Variants in GRAMD4 observed in about 807,000 individuals in gnomAD.
The protein encoded by GRAMD4 is GRAM domain containing 4.
A neutral mutation model predicts 83.9 loss-of-function variants in GRAMD4; 25 were observed. The observed-to-expected ratio is 0.30, with a 90% CI of 0.22 to 0.42. GRAMD4 has a LOEUF of 0.42. Among genes scored for constraint, GRAMD4 ranks in the 10% least tolerant of loss-of-function variants. The probability of loss-of-function intolerance (pLI) is 1.00; values close to 1 mark genes in which losing one functional copy is unlikely to be tolerated. For missense variants in GRAMD4, 593 were observed against 788.7 expected (o/e 0.75, Z 2.97); for synonymous variants, 336 against 320.9 (o/e 1.05, Z -0.50).
At chr22:46,632,944 C>T (rs1410248807) in intron 2 of GRAMD4, among the ~76,000 whole-genome samples, 1 of 152,236 alleles carries the variant, frequency 6.6e-6, no homozygotes, top group Non-Finnish European at 1.5e-5. Flanking sequence ...GCCTCTGGCC[C>T]CTTGCCACAT....
chr22:46,590,210 G>A (rs948935214), intron 1 of GRAMD4, among the ~76,000 whole-genome samples: 4 of 152,164 alleles, frequency 2.6e-5, no homozygotes, highest in African/African-American at 9.7e-5. Context: ...TGCCTCCTGC[G>A]TCCAGAGGGG....
At chr22:46,675,649 T>G in intron 17 of GRAMD4, 97 bp downstream of exon 17, 1 of 834,144 alleles carries the variant, frequency 1.2e-6, no homozygotes, top group Non-Finnish European at 2.1e-6. Context: ...CCAGCCTCTG[T>G]CAGCATCTGG....
chr22:46,680,734 C>T (rs1193504809), downstream of GRAMD4, among the ~76,000 whole-genome samples: 3 of 119,784 alleles, frequency 2.5e-5, no homozygotes, highest in Admixed American at 8.0e-5. Context: ...ACCCATCCAT[C>T]CACCCACCCA....
At chr22:46,675,401 C>A in intron 16 of GRAMD4, 67 bp from the exon 17 acceptor site, 1 of 1,082,862 alleles carries the variant, frequency 9.2e-7, no homozygotes, top group Non-Finnish European at 1.4e-6. Context: ...CCCCGGGAGA[C>A]CCCCACCTGG....
chr22:46,597,376 G>A (rs17666945), intron 1 of GRAMD4, among the ~76,000 whole-genome samples: 2,176 of 152,300 alleles, frequency 0.014, 24 homozygotes, highest in Admixed American at 0.032. Context: ...TGGTGAGTTG[G>A]AATCTTCTTT....
chr22:46,624,697 C>T (rs187482592), intron 1 of GRAMD4, among the ~76,000 whole-genome samples: 81 of 152,216 alleles, frequency 5.3e-4, no homozygotes, highest in Non-Finnish European at 1.0e-3. Flanking sequence ...ATTTGTAGCT[C>T]CTATATGGGA....
intron 2 of GRAMD4, among the ~76,000 whole-genome samples, chr22:46,633,537 C>T (rs1320101452): frequency 6.6e-6 from 1 of 152,216 alleles, no homozygotes; most frequent in African/African-American, 2.4e-5. Context: ...CTGCTCCTGG[C>T]CCGGGAGCCC....
intron 2 of GRAMD4, among the ~76,000 whole-genome samples, chr22:46,635,108 C>T (rs374312821): frequency 9.0e-6 from 1 of 110,822 alleles, no homozygotes; most frequent in Non-Finnish European, 2.2e-5. Context: ...CCTGCCCCCG[C>T]CCCCAGCCAC....
chr22:46,640,322 C>T (rs1345062084), intron 3 of GRAMD4, among the ~76,000 whole-genome samples: 5 of 152,058 alleles, frequency 3.3e-5, no homozygotes, highest in Admixed American at 2.0e-4. Context: ...TGCTGGGGCC[C>T]GGGAAGCTTC....
intron 3 of GRAMD4, among the ~76,000 whole-genome samples, chr22:46,648,939 G>GATGGATGGATGGATGGATGGATGGATGC (rs2082123908): frequency 8.9e-5 from 3 of 33,632 alleles, no homozygotes; most frequent in Admixed American, 3.0e-4. Flanking sequence ...TGGATGCATG[G>GATGGATGGATGGATGGATGGATGGATGC]ATGGATGGAT....
chr22:46,636,514 CT>C (rs1341700793), intron 2 of GRAMD4, among the ~76,000 whole-genome samples: 2 of 152,240 alleles, frequency 1.3e-5, no homozygotes, highest in African/African-American at 2.4e-5. Context: ...CGCCTTATTC[CT>C]GGGCTGTGGC....
intron 1 of GRAMD4, among the ~76,000 whole-genome samples, chr22:46,591,846 A>AAC (rs1429725946): frequency 6.7e-6 from 1 of 149,888 alleles, no homozygotes; most frequent in Non-Finnish European, 1.5e-5. Context: ...AAAAAAAAAA[A>AAC]AAAAAACCCA....
intron 1 of GRAMD4, among the ~76,000 whole-genome samples, chr22:46,586,919 G>A (rs1391923509): frequency 6.6e-6 from 1 of 151,886 alleles, no homozygotes; most frequent in African/African-American, 2.4e-5. Context: ...CCTGGGTGGG[G>A]AGTTTGGCGT....
chr22:46,642,916 C>T (rs1342421998), intron 3 of GRAMD4, among the ~76,000 whole-genome samples: 3 of 151,096 alleles, frequency 2.0e-5, no homozygotes, highest in Admixed American at 2.0e-4. Context: ...TCTATTTATC[C>T]ATCCAGGGAT....
chr22:46,657,903 A>G (rs1372576025), intron 3 of GRAMD4, among the ~76,000 whole-genome samples: 1 of 152,044 alleles, frequency 6.6e-6, no homozygotes, highest in African/African-American at 2.4e-5. Flanking sequence ...CACTGTTATG[A>G]AGCATAGTGA....
chr22:46,642,242 CCAT>C (rs2081983919), intron 3 of GRAMD4, among the ~76,000 whole-genome samples: 1 of 152,224 alleles, frequency 6.6e-6, no homozygotes, highest in Non-Finnish European at 1.5e-5. Context: ...CTGGAATTGA[CCAT>C]TTCTGAAATA....
intron 3 of GRAMD4, among the ~76,000 whole-genome samples, chr22:46,652,590 C>T (rs1414492429): frequency 6.6e-6 from 1 of 152,218 alleles, no homozygotes; most frequent in Admixed American, 6.5e-5. Context: ...GACACCTTGG[C>T]CCTGACCTGC....
chr22:46,605,285 C>A (rs1460521399), intron 1 of GRAMD4, among the ~76,000 whole-genome samples: 3 of 152,248 alleles, frequency 2.0e-5, no homozygotes, highest in African/African-American at 7.2e-5. Flanking sequence ...TCAGAATTTC[C>A]TTCCTTTTCA....
At chr22:46,605,786 G>T (rs2081359656) in intron 1 of GRAMD4, among the ~76,000 whole-genome samples, 2 of 148,386 alleles carry the variant, frequency 1.3e-5, no homozygotes, top group Non-Finnish European at 3.0e-5. Context: ...ATCTCTGCAT[G>T]GGCCTATGGC....
Sources: gnomAD v4.1 joint callset for allele counts (sites outside exome capture counted in the v4.1 genomes callset) on GRCh38, gnomAD v4.1.1 for gene constraint, MANE v1.5 for transcripts, NCBI Gene and HGNC (gene_info 2026-07-23, HGNC 2026-07-21) for gene names.